Variants in ZNF879 observed in about 807,000 individuals in gnomAD.
ZNF879 encodes the protein zinc finger protein 879.
Under a neutral mutation model 44.3 loss-of-function variants are expected in ZNF879, and 32 were observed. The ratio of observed to expected loss-of-function variants is 0.72; its 90% CI spans 0.54 to 0.97. ZNF879 has a LOEUF of 0.97. Ranked by LOEUF, ZNF879 falls within the 50% of genes least tolerant of loss-of-function variation. The pLI is 0.00. For missense variants in ZNF879, 621 were observed against 669.7 expected, an observed-to-expected ratio of 0.93 and a Z score of 0.80; for synonymous variants, 234 against 233.2, an observed-to-expected ratio of 1.00 and a Z score of -0.03.
At chr5:179,024,931 C>T (rs34881171) in intron 1 of ZNF879, 39 bp from the exon 2 acceptor site, 371,098 of 1,493,674 alleles carry the variant, frequency 0.25, 48,195 homozygotes, top group African/African-American at 0.4. Flanking sequence ...GGCATGCAGG[C>T]TGGATGAAAA....
At position 179,033,517 on chromosome 5, in the gene ZNF879, G is replaced by C; in HGVS notation, c.1569G>C (p.Gln523His). 1 of 1,557,006 alleles carries C rather than the reference G, an allele frequency of 6.4e-7. No homozygotes were observed. Among genetic ancestry groups the C allele is most frequent in the Non-Finnish European group, 8.7e-7 (1 of 1,150,312 alleles). ...NCKVCGKAFR[Q>H]SSSLMTHMRI... is the part of the protein sequence containing the mutation. ...AAGTGTGTGGGAAAGCCTTCAGACA[G>C]AGTTCATCCCTTATGACACACATGA... The change falls in exon 5 of 5, where the codon CAG becomes CAC. Residue 523 changes from glutamine (Q) to histidine (H), a missense_variant. Coordinates refer to ENST00000444149, the MANE Select transcript of ZNF879 (RefSeq NM_001136116.3).
rs113721662 is a variant in ZNF879 at position 179,026,679 on chromosome 5, A to T, written c.34-794A>T. On this transcript the variant is annotated intron_variant, in intron 2 of 4. Coordinates refer to ENST00000444149, the MANE Select transcript of ZNF879 (RefSeq NM_001136116.3). ...AAAAAAATTATTTTTTGCAGAGATG[A>T]GGTCTCTCTATGTTGCCCAGGCCGG... 2.0e-3 allele frequency among the ~76,000 whole-genome samples: 303 copies of T among 152,248 alleles called. 1 individual carries two copies. The highest frequency in any genetic ancestry group is 6.8e-3 in the African/African-American group (284 of 41,548).
chr5:179,032,814 A>G lies in ZNF879; in HGVS notation c.866A>G (p.Lys289Arg). ...QRMHTGERPY[K>R]CKECGKTFKG... ...ATGCATACTGGAGAGAGACCTTATAAATGCAAGGAATGTGGAAAAACATTT... is the reference window on the plus strand; with the variant it reads ...ATGCATACTGGAGAGAGACCTTATAGATGCAAGGAATGTGGAAAAACATTT... The change falls in exon 5 of 5, where the codon AAA becomes AGA. Residue 289 changes from lysine (K) to arginine (R), a missense_variant. Transcript: ENST00000444149. The G allele has an allele frequency of 6.4e-7, 1 of 1,554,714 alleles. No homozygotes were observed. The highest frequency in any genetic ancestry group is 8.7e-7 in the Non-Finnish European group (1 of 1,148,910).
intron 4 of ZNF879, among the ~76,000 whole-genome samples, chr5:179,029,067 AT>A (rs549471738): frequency 1.1e-3 from 145 of 127,840 alleles, no homozygotes; most frequent in African/African-American, 4.6e-3. Context: ...CTCCTCTGAG[AT>A]TTGTTGTTTT....
intron 1 of ZNF879, among the ~76,000 whole-genome samples, chr5:179,024,203 G>A (rs1235377357): frequency 6.6e-6 from 1 of 152,220 alleles, no homozygotes; most frequent in Non-Finnish European, 1.5e-5. Flanking sequence ...GGAGCCCTCC[G>A]GGCGGTTTTT....
chr5:179,025,655 C>T (rs1225114363), intron 2 of ZNF879, among the ~76,000 whole-genome samples: 1 of 152,046 alleles, frequency 6.6e-6, no homozygotes, highest in Admixed American at 6.6e-5. Context: ...AAAAGAGAGG[C>T]CCTGTATTCC....
chr5:179,026,120 G>A (rs1381430345), intron 2 of ZNF879, among the ~76,000 whole-genome samples: 1 of 150,320 alleles, frequency 6.7e-6, no homozygotes, highest in Non-Finnish European at 1.5e-5. Flanking sequence ...AGAAAAATAT[G>A]TCTGAAGGAG....
chr5:179,028,023 C>A lies in ZNF879; in HGVS notation c.161-9C>A. 6.4e-7 allele frequency: 1 copy of A among 1,551,254 alleles called. No individual in the cohort carries two copies. The highest frequency in any genetic ancestry group is 1.2e-5 in the South Asian group (1 of 83,996). Reference sequence around the variant, plus strand: ...TGGCCGCTCACGTTTCTTTCTTGTTCATGAACAGGGATTCTCTTTTCCAAG... The same window carrying A: ...TGGCCGCTCACGTTTCTTTCTTGTTAATGAACAGGGATTCTCTTTTCCAAG... On this transcript the variant is annotated splice_polypyrimidine_tract_variant and intron_variant, in intron 3 of 4. Coordinates refer to ENST00000444149, the MANE Select transcript of ZNF879 (RefSeq NM_001136116.3).
At chr5:179,030,468 A>G (rs1761389571) in intron 4 of ZNF879, among the ~76,000 whole-genome samples, 2 of 152,264 alleles carry the variant, frequency 1.3e-5, no homozygotes, top group African/African-American at 2.4e-5. Context: ...TGCATTGGAC[A>G]TATTATATTG....
rs1761522986 is a variant in ZNF879 at position 179,034,274 on chromosome 5, C to G, written c.*634C>G. 6.7e-6 allele frequency: 1 copy of G among 149,466 alleles called. No homozygotes were observed. The highest frequency in any genetic ancestry group is 1.5e-5 in the Non-Finnish European group (1 of 68,052). The allele number at this position is 149,466 out of a possible 1,614,324, so 9.3% of individuals were successfully genotyped here. A position where few individuals can be genotyped will look rare whatever the true frequency, so the allele number is the denominator to read the frequency against. On this transcript the variant is annotated 3_prime_UTR_variant, in exon 5 of 5. Coordinates refer to ENST00000444149, the MANE Select transcript of ZNF879 (RefSeq NM_001136116.3). ...TGACTACTTGTTCCAAACTCTGAGTCAGATCTAAAGTCACTTTAAGTCACA... is the reference window on the plus strand; with the variant it reads ...TGACTACTTGTTCCAAACTCTGAGTGAGATCTAAAGTCACTTTAAGTCACA...
intron 2 of ZNF879, among the ~76,000 whole-genome samples, chr5:179,025,745 G>A (rs976965741): frequency 6.6e-6 from 1 of 152,054 alleles, no homozygotes; most frequent in Non-Finnish European, 1.5e-5. Context: ...GGTGAAACCC[G>A]GTCTCTACTA....
chr5:179,025,368 T>C (rs1328839782), intron 2 of ZNF879, among the ~76,000 whole-genome samples: 1 of 152,104 alleles, frequency 6.6e-6, no homozygotes, highest in Non-Finnish European at 1.5e-5. Flanking sequence ...TTTTGTATTT[T>C]TAGTAGAGAC....
rs745855769 is a variant in ZNF879, at chr5:179,032,852, T to C, written c.904T>C (p.Ser302Pro). The change falls in exon 5 of 5, where the codon TCT becomes CCT. Residue 302 changes from serine (S) to proline (P), a missense_variant. Transcript: ENST00000444149. Reference sequence around the variant, plus strand: ...TGGAAAAACATTTAAAGGTAGTTCATCTCTTAATAATCACCAGCGAATTCA... The same window carrying C: ...TGGAAAAACATTTAAAGGTAGTTCACCTCTTAATAATCACCAGCGAATTCA... ...ECGKTFKGSS[S>P]LNNHQRIHTG... 5 of 1,561,634 alleles carry C rather than the reference T, an allele frequency of 3.2e-6. No individual in the cohort carries two copies. The highest frequency in any genetic ancestry group is 4.3e-6 in the Non-Finnish European group (5 of 1,152,842).
At chr5:179,027,372 C>T in intron 2 of ZNF879, 101 bp from the exon 3 acceptor site, 1 of 1,507,892 alleles carries the variant, frequency 6.6e-7, no homozygotes, top group Non-Finnish European at 9.0e-7. Context: ...TGTCCAGAAA[C>T]ACTTGAAATA....
Position 179,032,878 on chromosome 5 carries a change from C to T in ZNF879, c.930C>T (p.His310=). The change falls in exon 5 of 5, where the codon CAC becomes CAT. Residue 310 remains histidine (H), a synonymous_variant. Transcript: ENST00000444149. ...SSSLNNHQRI[H]TGEKPYKCNE... ...CTCTTAATAATCACCAGCGAATTCA[C>T]ACAGGAGAGAAGCCCTATAAGTGTA... is the stretch of plus-strand genomic sequence containing the variant. 6.4e-7 allele frequency: 1 copy of T among 1,569,706 alleles called. No individual in the cohort carries two copies. Among genetic ancestry groups the T allele is most frequent in the African/African-American group, 1.4e-5 (1 of 73,598 alleles).
rs1448236821 is a variant in ZNF879, at chr5:179,028,139, A to G, written c.256+12A>G. 3 of 1,550,386 alleles carry G rather than the reference A, an allele frequency of 1.9e-6. No individual in the cohort carries two copies. Among genetic ancestry groups the G allele is most frequent in the Non-Finnish European group, 2.6e-6 (3 of 1,145,884 alleles). On this transcript the variant is annotated intron_variant, in intron 4 of 4. Coordinates refer to ENST00000444149, the MANE Select transcript of ZNF879 (RefSeq NM_001136116.3). ...AGGCGCACATCTCGGTGAGTGACAG[A>G]GTAATTGGGAGATGGGCATAACATT... is the stretch of plus-strand genomic sequence containing the variant.
rs1230407209 is a variant in ZNF879, at chr5:179,034,132, C to G, written c.*492C>G. 1.3e-5 allele frequency: 2 copies of G among 152,752 alleles called. No individual in the cohort carries two copies. Among genetic ancestry groups the G allele is most frequent in the African/African-American group, 4.8e-5 (2 of 41,470 alleles). 9.5% of individuals were successfully genotyped at this position (152,752 alleles called of 1,614,324 possible). The stretch of plus-strand genomic sequence containing the variant: ...AAAATGTTTTTTAATAATCTTAAAG[C>G]AGATTCTGCACTTCATGGTAAAGAC... On this transcript the variant is annotated 3_prime_UTR_variant, in exon 5 of 5. Coordinates refer to ENST00000444149, the MANE Select transcript of ZNF879 (RefSeq NM_001136116.3).
rs1014791004 is a variant in ZNF879 at position 179,034,267 on chromosome 5, T to G, written c.*627T>G. 6.6e-6 allele frequency: 1 copy of G among 152,230 alleles called. No individual in the cohort carries two copies. Among genetic ancestry groups the G allele is most frequent in the Non-Finnish European group, 1.5e-5 (1 of 68,062 alleles). 9.4% of individuals were successfully genotyped at this position (152,230 alleles called of 1,614,324 possible). ...TTCTTCCTGACTACTTGTTCCAAACTCTGAGTCAGATCTAAAGTCACTTTA... is the reference window on the plus strand; with the variant it reads ...TTCTTCCTGACTACTTGTTCCAAACGCTGAGTCAGATCTAAAGTCACTTTA... On this transcript the variant is annotated 3_prime_UTR_variant, in exon 5 of 5. Transcript: ENST00000444149.
chr5:179,026,330 T>C (rs1047231389), intron 2 of ZNF879, among the ~76,000 whole-genome samples: 25 of 152,196 alleles, frequency 1.6e-4, no homozygotes, highest in African/African-American at 6.0e-4. Context: ...TTTATTTTTA[T>C]TTAAATATAG....
Sources: gnomAD v4.1 joint callset for allele counts (sites outside exome capture counted in the v4.1 genomes callset) on GRCh38, gnomAD v4.1.1 for gene constraint, MANE v1.5 for transcripts, NCBI Gene and HGNC (gene_info 2026-07-23, HGNC 2026-07-21) for gene names.